MASP1: variants seen among roughly 807,000 people sequenced by gnomAD.
MASP1 encodes the protein MBL associated serine protease 1, also known as mannan-binding lectin serine protease 1.
In MASP1, 59 loss-of-function variants were observed where a neutral mutation model predicts 77.1. The observed-to-expected ratio is 0.77, with a 90% CI of 0.62 to 0.95. The LOEUF is 0.95. Among genes scored for constraint, MASP1 ranks in the 40% least tolerant of loss-of-function variants. MASP1 has a pLI of 0.00. For missense variants in MASP1, 885 were observed against 912.9 expected (o/e 0.97, Z 0.39); for synonymous variants, 362 against 354.5 (o/e 1.02, Z -0.24).
At chr3:187,232,622 G>C (rs1712838591), downstream of MASP1, among the ~76,000 whole-genome samples, 1 of 152,136 alleles carries the variant, frequency 6.6e-6, no homozygotes, top group African/African-American at 2.4e-5. Context: ...TCGCTGAGCT[G>C]CTGGTAAATC....
At chr3:187,278,186 G>A (rs13322129) in intron 2 of MASP1, among the ~76,000 whole-genome samples, 1,880 of 152,278 alleles carry the variant, frequency 0.012, 23 homozygotes, top group African/African-American at 0.036. Context: ...ATCTTAGCAA[G>A]GTTAAGCAAC....
At chr3:187,279,630 T>G (rs1485111928) in intron 2 of MASP1, among the ~76,000 whole-genome samples, 1 of 152,204 alleles carries the variant, frequency 6.6e-6, no homozygotes, top group African/African-American at 2.4e-5. Context: ...CTTTCTGGGC[T>G]TTACGTCTCC....
chr3:187,275,673 C>G (rs1417319582), intron 2 of MASP1, among the ~76,000 whole-genome samples: 1 of 152,060 alleles, frequency 6.6e-6, no homozygotes. Context: ...CTCATTACTT[C>G]CTAATTATGT....
chr3:187,218,769 G>C (rs1055857737), exon 16 of MASP1: 1 of 152,304 alleles, frequency 6.6e-6, no homozygotes, highest in South Asian at 2.1e-4. Flanking sequence ...ATATCTTGGA[G>C]CTCTGGAGGG....
At chr3:187,220,317 C>T in intron 15 of MASP1, 1 of 1,520,312 alleles carries the variant, frequency 6.6e-7, no homozygotes, top group Non-Finnish European at 9.0e-7. Context: ...GCCCAAGTCT[C>T]CTTCTCCCAT....
chr3:187,246,698 C>A (rs756222704), intron 8 of MASP1: 8 of 987,768 alleles, frequency 8.1e-6, no homozygotes, highest in East Asian at 2.3e-4. Flanking sequence ...TTTTAATCAG[C>A]GAATTTTAAG....
Position 187,286,023 on chromosome 3 carries a change from G to C in MASP1, c.39C>G (p.Ser13=). The change falls in exon 2 of 11, where the codon TCC becomes TCG. Residue 13 remains serine (S), a synonymous_variant. Transcript: ENST00000296280. The part of the protein sequence containing the change: ...WLLLYYALCF[S]LSKASAHTVE... ...CGGTGTGGGCTGAAGCCTTTGACAG[G>C]GAGAAGCACAGAGCATAATAGAGAA... The C allele has an allele frequency of 6.2e-7, 1 of 1,614,164 alleles. No homozygotes were observed. Among genetic ancestry groups the C allele is most frequent in the Non-Finnish European group, 8.5e-7 (1 of 1,180,020 alleles).
intron 2 of MASP1, among the ~76,000 whole-genome samples, chr3:187,278,387 C>T (rs1174794035): frequency 6.6e-6 from 1 of 152,118 alleles, no homozygotes; most frequent in Non-Finnish European, 1.5e-5. Context: ...CAACTGATGA[C>T]AAAACCATTG....
chr3:187,226,669 A>G (rs182005954), intron 11 of MASP1: 8 of 690,022 alleles, frequency 1.2e-5, no homozygotes, highest in African/African-American at 7.0e-5. Flanking sequence ...ATGGCCCCCA[A>G]CTCAAATGCT....
intron 10 of MASP1, among the ~76,000 whole-genome samples, chr3:187,238,512 G>T (rs766224313): frequency 4.6e-5 from 7 of 152,170 alleles, no homozygotes; most frequent in Admixed American, 2.0e-4. Context: ...AGTCTTTCCT[G>T]GGAGAAAGGG....
chr3:187,219,954 A>T, exon 16 of MASP1: 1 of 1,038,454 alleles, frequency 9.6e-7, no homozygotes, highest in South Asian at 1.4e-5. Context: ...CCAGTAATGG[A>T]TAGGCCGAAG....
At chr3:187,242,971 G>A in intron 9 of MASP1, 1 of 200,350 alleles carries the variant, frequency 5.0e-6, no homozygotes. Flanking sequence ...CGTACCAGGG[G>A]AAGAGGTCTT....
At position 187,235,717 on chromosome 3, in the gene MASP1, T is replaced by A. The variant is rs745814009; in HGVS notation, c.2154A>T (p.Pro718=). The A allele has an allele frequency of 4.3e-6, 7 of 1,614,200 alleles. No individual in the cohort carries two copies. The highest frequency in any genetic ancestry group is 5.9e-6 in the Non-Finnish European group (7 of 1,180,032). The change falls in exon 11 of 11, where the codon CCA becomes CCT. Residue 718 remains proline (P), a synonymous_variant. Coordinates refer to ENST00000296280, the MANE Select transcript of MASP1 (RefSeq NM_139125.4). ...CCACCTGGGGCTCCACAACACTTTG[T>A]GGTAAGCCCATCTGCTCCCACACCC... ...VDWVWEQMGL[P]QSVVEPQVER
At chr3:187,266,432 A>G (rs1716024652) in intron 2 of MASP1, among the ~76,000 whole-genome samples, 1 of 152,204 alleles carries the variant, frequency 6.6e-6, no homozygotes, top group African/African-American at 2.4e-5. Context: ...CGTAAATGCA[A>G]TCAAAGATGG....
chr3:187,264,397 A>AT (rs906870220), intron 2 of MASP1, among the ~76,000 whole-genome samples: 2 of 151,972 alleles, frequency 1.3e-5, no homozygotes, highest in Non-Finnish European at 2.9e-5. Context: ...CTGCTGTGTT[A>AT]TTTTATCTGA....
At chr3:187,275,768 C>T (rs1716912430) in intron 2 of MASP1, among the ~76,000 whole-genome samples, 1 of 150,646 alleles carries the variant, frequency 6.6e-6, no homozygotes, top group African/African-American at 2.4e-5. Context: ...CATCTCTTTG[C>T]CCCCATTCCC....
chr3:187,250,673 G>A, intron 7 of MASP1, among the ~76,000 whole-genome samples: 1 of 152,168 alleles, frequency 6.6e-6, no homozygotes, highest in East Asian at 1.9e-4. Flanking sequence ...AACATAGGCT[G>A]CTGGGCTTCT....
rs1394666693 is a variant in MASP1, at chr3:187,256,834, G to C, written c.574C>G (p.Gln192Glu). The part of the protein sequence containing the change: ...RVECSDNLFT[Q>E]RTGVITSPDF... ...GGGCTGGTGATCACCCCAGTCCTTT[G>C]AGTGAAGAGGTTGTCACTGCACTCC... The change falls in exon 5 of 11, where the codon CAA (glutamine) becomes GAA (glutamate). Residue 192 changes from glutamine (Q) to glutamate (E), a missense_variant. Coordinates refer to ENST00000296280, the MANE Select transcript of MASP1 (RefSeq NM_139125.4). 1.2e-6 allele frequency: 2 copies of C among 1,613,842 alleles called. No individual in the cohort carries two copies. The highest frequency in any genetic ancestry group is 1.7e-6 in the Non-Finnish European group (2 of 1,180,002).
intron 12 of MASP1, among the ~76,000 whole-genome samples, chr3:187,225,870 C>T (rs529712108): frequency 6.6e-6 from 1 of 152,346 alleles, no homozygotes; most frequent in Admixed American, 6.5e-5. Context: ...ACTCCCATGG[C>T]ATTTTATCTG....
Sources: allele counts gnomAD v4.1 joint callset (sites outside exome capture counted in the v4.1 genomes callset), GRCh38; gene constraint gnomAD v4.1.1; transcripts MANE v1.5; gene names NCBI Gene and HGNC (gene_info 2026-07-23, HGNC 2026-07-21).